FAM91A1: variants seen among roughly 807,000 people sequenced by gnomAD.
The protein encoded by FAM91A1 is family with sequence similarity 91 member A1, also known as protein FAM91A1.
Under a neutral mutation model 113.5 loss-of-function variants are expected in FAM91A1, and 41 were observed. That is an observed-to-expected ratio of 0.36 (90% CI 0.28 to 0.47). FAM91A1 has a LOEUF of 0.47. Among genes scored for constraint, FAM91A1 ranks in the 20% least tolerant of loss-of-function variants. The pLI is 1.00. For missense variants in FAM91A1, 696 were observed against 1,001.2 expected (o/e 0.70, Z 4.11); for synonymous variants, 307 against 347.9 (o/e 0.88, Z 1.31).
At chr8:123,801,975 A>AG (rs1229750167) in intron 18 of FAM91A1, among the ~76,000 whole-genome samples, 4 of 152,034 alleles carry the variant, frequency 2.6e-5, no homozygotes, top group African/African-American at 9.7e-5. Flanking sequence ...TTGGAGTGTG[A>AG]GGGGGTTGTG....
In FAM91A1 at chr8:123,786,504, A is replaced by G; in HGVS notation, c.972A>G (p.Leu324=). ...CATTCTTCATTAATAGGAGTACCTT[A>G]GATCCACAGAAGATGCTCTTGTCAT... ...VPSVNRLKST[L]DPQKMLLSWD... The change falls in exon 12 of 24, where the codon TTA becomes TTG. Residue 324 remains leucine, a synonymous_variant. Coordinates refer to ENST00000334705, the MANE Select transcript of FAM91A1 (RefSeq NM_144963.4). The G allele has an allele frequency of 6.2e-7, 1 of 1,612,322 alleles. No homozygotes were observed. Among genetic ancestry groups the G allele is most frequent in the Non-Finnish European group, 8.5e-7 (1 of 1,178,812 alleles).
At chr8:123,796,229 C>G (rs919693712) in intron 15 of FAM91A1, among the ~76,000 whole-genome samples, 1 of 152,098 alleles carries the variant, frequency 6.6e-6, no homozygotes, top group Non-Finnish European at 1.5e-5. Flanking sequence ...ATTGTCTGCT[C>G]TATGGAAGAG....
At chr8:123,807,783 T>G (rs747539986) in intron 20 of FAM91A1, among the ~76,000 whole-genome samples, 24 of 152,192 alleles carry the variant, frequency 1.6e-4, no homozygotes, top group Admixed American at 1.2e-3. Context: ...TGGACAGTAG[T>G]AGAAGATGAG....
intron 1 of FAM91A1, among the ~76,000 whole-genome samples, chr8:123,770,368 A>C (rs1814811455): frequency 1.3e-5 from 2 of 152,246 alleles, no homozygotes; most frequent in African/African-American, 4.8e-5. Flanking sequence ...AAATGCTTTC[A>C]CTTTAATATA....
In FAM91A1 at chr8:123,799,806, A is replaced by G. The variant is rs1421130140; in HGVS notation, c.1730A>G (p.His577Arg). 6.2e-7 allele frequency: 1 copy of G among 1,610,244 alleles called. No homozygotes were observed. Among genetic ancestry groups the G allele is most frequent in the East Asian group, 2.2e-5 (1 of 44,784 alleles). The change falls in exon 18 of 24, where the codon CAT becomes CGT. Residue 577 changes from histidine (H) to arginine (R), a missense_variant. His to Arg is a conservative substitution (Grantham distance 29). Coordinates refer to ENST00000334705, the MANE Select transcript of FAM91A1 (RefSeq NM_144963.4). The part of the protein sequence containing the change: ...YDRLLITSWG[H>R]DPGVVPTSNV... ...CGATTGCTAATAACATCTTGGGGTC[A>G]TGATCCTGGAGTAGTTCCTACCTCA...
chr8:123,798,031 A>C (rs1815575015), intron 15 of FAM91A1, 59 bp from the exon 16 acceptor site: 1 of 1,522,194 alleles, frequency 6.6e-7, no homozygotes, highest in African/African-American at 1.4e-5. Context: ...TGCATCTTCA[A>C]CATTTTTGTT....
chr8:123,788,263 G>C, intron 14 of FAM91A1: 1 of 983,370 alleles, frequency 1.0e-6, no homozygotes, highest in African/African-American at 1.7e-5. Flanking sequence ...TACAGCCCTA[G>C]TTTTCCTTAG....
intron 15 of FAM91A1, among the ~76,000 whole-genome samples, chr8:123,795,456 C>T (rs1251124439): frequency 1.3e-5 from 2 of 150,914 alleles, no homozygotes; most frequent in East Asian, 2.0e-4. Context: ...GTGCATCTTC[C>T]CCATCTCTCT....
At chr8:123,799,404 C>A in intron 16 of FAM91A1, 116 bp from the exon 17 acceptor site, 1 of 863,632 alleles carries the variant, frequency 1.2e-6, no homozygotes, top group Non-Finnish European at 1.7e-6. Flanking sequence ...AAGTTATTTT[C>A]TTGAGGATAG....
In FAM91A1 at chr8:123,785,613, T is replaced by C. The variant is rs763148313; in HGVS notation, c.850-16T>C. On this transcript the variant is annotated splice_polypyrimidine_tract_variant and intron_variant, in intron 10 of 23. Transcript: ENST00000334705. ...TTATTTTAAATGGTAATTAGTTTCC[T>C]TTATATTCCTTTCAGAATGCTGTTT... is the stretch of plus-strand genomic sequence containing the variant. 4 of 1,540,714 alleles carry C rather than the reference T, an allele frequency of 2.6e-6. No individual in the cohort carries two copies. The South Asian group carries it at 4.6e-5, about 18-fold the overall frequency.
In FAM91A1 at chr8:123,774,165, G is replaced by A. The variant is rs1563635151; in HGVS notation, c.157+1G>A. 8.1e-6 allele frequency: 13 copies of A among 1,605,082 alleles called. No individual in the cohort carries two copies. The highest frequency in any genetic ancestry group is 1.0e-5 in the Non-Finnish European group (12 of 1,176,572). On this transcript the variant is annotated splice_donor_variant, in intron 2 of 23. Transcript: ENST00000334705. LOFTEE classifies it high-confidence loss of function. ...CAGTTACGATATAGAAATAACTTAG[G>A]TAAGTAGAGCCATGTTTATATTGGG...
intron 15 of FAM91A1, among the ~76,000 whole-genome samples, chr8:123,791,917 G>A (rs1815395125): frequency 6.6e-6 from 1 of 152,162 alleles, no homozygotes; most frequent in African/African-American, 2.4e-5. Flanking sequence ...GCTCATGCCT[G>A]TATTCCCAGC....
intron 23 of FAM91A1, chr8:123,812,279 G>A (rs1300355168): frequency 1.2e-5 from 4 of 336,516 alleles, no homozygotes; most frequent in South Asian, 1.5e-4. Context: ...CCACAGTCTC[G>A]TAGCCTCTTA....
intron 12 of FAM91A1, among the ~76,000 whole-genome samples, chr8:123,787,011 C>T (rs1815274391): frequency 6.6e-6 from 1 of 152,072 alleles, no homozygotes; most frequent in South Asian, 2.1e-4. Flanking sequence ...CCATTTCAGC[C>T]CGAGAGAATA....
intron 20 of FAM91A1, among the ~76,000 whole-genome samples, chr8:123,806,805 T>C (rs1055560834): frequency 1.3e-5 from 2 of 152,198 alleles, no homozygotes; most frequent in African/African-American, 4.8e-5. Flanking sequence ...CATGTGCTGT[T>C]GCAACCATTC....
intron 14 of FAM91A1, 74 bp downstream of exon 14, chr8:123,787,824 A>G: frequency 8.4e-7 from 1 of 1,197,368 alleles, no homozygotes; most frequent in Non-Finnish European, 1.2e-6. Context: ...TGCCAATTAT[A>G]CAGTCTGTTG....
intron 18 of FAM91A1, among the ~76,000 whole-genome samples, chr8:123,800,521 T>A (rs1406782009): frequency 1.3e-5 from 2 of 152,202 alleles, no homozygotes; most frequent in African/African-American, 4.8e-5. Flanking sequence ...ATAATTCACA[T>A]ACTGTACAAT....
At chr8:123,801,246 T>G (rs1364163923) in intron 18 of FAM91A1, among the ~76,000 whole-genome samples, 1 of 152,234 alleles carries the variant, frequency 6.6e-6, no homozygotes, top group African/African-American at 2.4e-5. Flanking sequence ...ACTAATAATG[T>G]TGAGCTTCTT....
chr8:123,784,945 A>C (rs1376617127), intron 9 of FAM91A1, 136 bp from the exon 10 acceptor site: 1 of 590,758 alleles, frequency 1.7e-6, no homozygotes, highest in East Asian at 3.1e-5. Flanking sequence ...GAAAGTTCTG[A>C]ATTCAAAATT....
Sources: gnomAD v4.1 joint callset for allele counts (sites outside exome capture counted in the v4.1 genomes callset) on GRCh38, gnomAD v4.1.1 for gene constraint, MANE v1.5 for transcripts, NCBI Gene and HGNC (gene_info 2026-07-23, HGNC 2026-07-21) for gene names.